Variants in UST observed in about 807,000 individuals in gnomAD.
The protein encoded by UST is chondroitin sulfate 2-O-sulfotransferase.
UST carries 21 observed loss-of-function variants against 45.6 expected under a neutral mutation model. The observed-to-expected ratio is 0.46, with a 90% confidence interval of 0.33 to 0.66. The LOEUF (loss-of-function observed/expected upper bound fraction) is 0.66, where lower values mean the gene tolerates loss of function less well. Ranked by LOEUF, UST falls within the 30% of genes least tolerant of loss-of-function variation. UST has a pLI of 0.02. For synonymous variants in UST, 215 were observed against 200.6 expected (o/e 1.07, Z -0.61); for missense variants, 463 against 512.4 (o/e 0.90, Z 0.93).
intron 1 of UST, among the ~76,000 whole-genome samples, chr6:148,764,936 C>T (rs1172926188): frequency 6.6e-6 from 1 of 152,094 alleles, no homozygotes; most frequent in Non-Finnish European, 1.5e-5. Flanking sequence ...GTGTTTCATC[C>T]CTATCTATAT....
At chr6:148,781,322 A>G (rs1033816068) in intron 1 of UST, among the ~76,000 whole-genome samples, 2 of 152,180 alleles carry the variant, frequency 1.3e-5, no homozygotes, top group African/African-American at 2.4e-5. Flanking sequence ...AGAAAGTTTG[A>G]GTGGTCCGGA....
At chr6:149,019,685 G>A (rs560063708) in intron 6 of UST, among the ~76,000 whole-genome samples, 1 of 152,320 alleles carries the variant, frequency 6.6e-6, no homozygotes, top group South Asian at 2.1e-4. Flanking sequence ...GACACTGGAA[G>A]CCCACACCTC....
chr6:148,780,709 CTA>C (rs1170096753), intron 1 of UST, among the ~76,000 whole-genome samples: 1 of 152,110 alleles, frequency 6.6e-6, no homozygotes, highest in African/African-American at 2.4e-5. Flanking sequence ...TAGGTTCATT[CTA>C]TGTCTTTGCT....
intron 5 of UST, among the ~76,000 whole-genome samples, chr6:148,985,019 G>A (rs1429358022): frequency 1.3e-5 from 2 of 152,226 alleles, no homozygotes; most frequent in Non-Finnish European, 2.9e-5. Context: ...TAGGTTTCTA[G>A]TTGGAGTAAG....
At chr6:148,747,770 C>A (rs1775901430) in intron 1 of UST, 93 bp downstream of exon 1, 3 of 1,407,084 alleles carry the variant, frequency 2.1e-6, no homozygotes, top group Non-Finnish European at 2.8e-6. Flanking sequence ...GCGCTGCCAC[C>A]GCGCGCCGCC....
At chr6:148,841,092 T>C (rs1777879022) in intron 1 of UST, among the ~76,000 whole-genome samples, 2 of 148,536 alleles carry the variant, frequency 1.3e-5, no homozygotes, top group African/African-American at 4.9e-5. Flanking sequence ...TTACAATGAC[T>C]CTTATTGATA....
At chr6:148,987,855 C>G (rs1781266051) in intron 5 of UST, among the ~76,000 whole-genome samples, 1 of 152,084 alleles carries the variant, frequency 6.6e-6, no homozygotes, top group Admixed American at 6.6e-5. Context: ...TTTCATTCAT[C>G]AGACGTGTAT....
chr6:149,056,377 G>A (rs1026148484), intron 7 of UST, among the ~76,000 whole-genome samples: 4 of 151,944 alleles, frequency 2.6e-5, no homozygotes, highest in Non-Finnish European at 5.9e-5. Flanking sequence ...AAAGTGCTGG[G>A]ATTACAGGCC....
rs545978898 is a variant in UST at position 148,895,123 on chromosome 6, G to C, written c.291+8094G>C. 7.2e-5 allele frequency among the ~76,000 whole-genome samples: 11 copies of C among 152,120 alleles called. No homozygotes were observed. In the East Asian group the frequency reaches 2.1e-3, roughly 29 times the overall value. ...GAGCCACTGCGCCTGGCATTTCAGT[G>C]CATTTTTAAGTTTTTTTTCCAACCT... is the stretch of plus-strand genomic sequence containing the variant. On this transcript the variant is annotated intron_variant, in intron 2 of 7. Transcript: ENST00000367463.
At chr6:148,918,911 T>C (rs1306301066) in intron 2 of UST, among the ~76,000 whole-genome samples, 1 of 152,196 alleles carries the variant, frequency 6.6e-6, no homozygotes, top group African/African-American at 2.4e-5. Flanking sequence ...TGGAATAGAC[T>C]AGGAGATGTA....
At chr6:149,020,056 G>A (rs1325379223) in intron 6 of UST, among the ~76,000 whole-genome samples, 2 of 152,174 alleles carry the variant, frequency 1.3e-5, no homozygotes, top group Non-Finnish European at 2.9e-5. Context: ...TTCCCCAAAG[G>A]AAACATTAAC....
At chr6:148,935,842 T>C (rs1333760761) in intron 2 of UST, among the ~76,000 whole-genome samples, 2 of 152,100 alleles carry the variant, frequency 1.3e-5, no homozygotes, top group East Asian at 3.9e-4. Flanking sequence ...AAAGAGTCCT[T>C]AGGAAGGAGA....
At chr6:148,841,447 A>C (rs967277767) in intron 1 of UST, among the ~76,000 whole-genome samples, 3 of 152,184 alleles carry the variant, frequency 2.0e-5, no homozygotes, top group Non-Finnish European at 4.4e-5. Flanking sequence ...AAAATCCCCT[A>C]AGTTGATAGA....
intron 1 of UST, among the ~76,000 whole-genome samples, chr6:148,776,602 C>T (rs888846182): frequency 6.6e-6 from 1 of 152,134 alleles, no homozygotes; most frequent in Non-Finnish European, 1.5e-5. Context: ...ACTGTAAGGC[C>T]TTACTTATCT....
At chr6:149,053,148 G>A (rs147632075) in intron 7 of UST, among the ~76,000 whole-genome samples, 75 of 152,190 alleles carry the variant, frequency 4.9e-4, no homozygotes, top group Admixed American at 1.8e-3. Context: ...TATTATTTTA[G>A]TTGTTTAGAT....
At chr6:148,846,707 C>T (rs1402168255) in intron 1 of UST, among the ~76,000 whole-genome samples, 1 of 152,212 alleles carries the variant, frequency 6.6e-6, no homozygotes, top group Non-Finnish European at 1.5e-5. Flanking sequence ...CTGCATCCAC[C>T]ATGCTTAGCT....
At chr6:148,760,731 C>A (rs545406177) in intron 1 of UST, among the ~76,000 whole-genome samples, 10 of 149,546 alleles carry the variant, frequency 6.7e-5, no homozygotes, top group Non-Finnish European at 1.2e-4. Flanking sequence ...CAAAACAAAA[C>A]AAAACAAAAA....
At chr6:149,012,614 G>A (rs1025680563) in intron 5 of UST, among the ~76,000 whole-genome samples, 9 of 152,084 alleles carry the variant, frequency 5.9e-5, no homozygotes, top group South Asian at 4.1e-4. Context: ...TTATATCATC[G>A]TGTTACATTG....
chr6:148,796,845 C>T (rs545687233), intron 1 of UST, among the ~76,000 whole-genome samples: 1 of 141,418 alleles, frequency 7.1e-6, no homozygotes, highest in East Asian at 2.1e-4. Flanking sequence ...CTCTGTCACC[C>T]AGGCTGGAGT....
Sources: gnomAD v4.1 joint callset for allele counts (sites outside exome capture counted in the v4.1 genomes callset) on GRCh38, gnomAD v4.1.1 for gene constraint, MANE v1.5 for transcripts, NCBI Gene and HGNC (gene_info 2026-07-23, HGNC 2026-07-21) for gene names.